ITIH5: variants seen among roughly 807,000 people sequenced by gnomAD.
ITIH5 encodes the protein inter-alpha-trypsin inhibitor heavy chain H5.
Under a neutral mutation model 77.5 loss-of-function variants are expected in ITIH5, and 65 were observed. The observed-to-expected ratio is 0.84, with a 90% confidence interval of 0.69 to 1.03. The LOEUF is 1.03. Ranked by LOEUF, ITIH5 falls within the 50% of genes least tolerant of loss-of-function variation. ITIH5 has a pLI of 0.00. For missense variants in ITIH5, 1,208 were observed against 1,213.1 expected, an observed-to-expected ratio of 1.00 and a Z score of 0.06; for synonymous variants, 525 against 494.3, an observed-to-expected ratio of 1.06 and a Z score of -0.82.
chr10:7,625,628 G>C (rs1030673917), intron 5 of ITIH5, among the ~76,000 whole-genome samples: 1 of 151,980 alleles, frequency 6.6e-6, no homozygotes, highest in African/African-American at 2.4e-5. Context: ...AGCCGGGCCT[G>C]GTGGCGTGAG....
At chr10:7,646,526 T>G (rs1834012381) in intron 2 of ITIH5, among the ~76,000 whole-genome samples, 1 of 152,214 alleles carries the variant, frequency 6.6e-6, no homozygotes, top group Admixed American at 6.5e-5. Context: ...AACAAATCAC[T>G]CTAAAACTCA....
intron 5 of ITIH5, among the ~76,000 whole-genome samples, chr10:7,629,901 G>GGTTTAGAAGT (rs1833685742): frequency 6.6e-6 from 1 of 152,068 alleles, no homozygotes; most frequent in African/African-American, 2.4e-5. Flanking sequence ...AACCTAGAAG[G>GGTTTAGAAGT]GTTTAGAAAG....
At chr10:7,613,413 T>C (rs1425583651) in intron 7 of ITIH5, among the ~76,000 whole-genome samples, 1 of 152,164 alleles carries the variant, frequency 6.6e-6, no homozygotes, top group Non-Finnish European at 1.5e-5. Flanking sequence ...GGGAAAAACT[T>C]TGGGAAACCT....
Position 7,579,810 on chromosome 10 carries a change from A to T in ITIH5, c.1363T>A (p.Cys455Ser). The T allele has an allele frequency of 1.9e-6, 3 of 1,614,198 alleles. No individual in the cohort carries two copies. The highest frequency in any genetic ancestry group is 2.5e-6 in the Non-Finnish European group (3 of 1,180,042). The change falls in exon 9 of 14, where the codon TGT becomes AGT. Residue 455 changes from cysteine (C) to serine (S), a missense_variant. Cys to Ser is a moderately radical substitution (Grantham distance 112, BLOSUM62 -1). Coordinates refer to ENST00000397146, the MANE Select transcript of ITIH5 (RefSeq NM_030569.7). ...RLLEKLSLEN[C>S]GLTRRVHEEE... ...TCGTGCACGCGCCGTGTGAGGCCAC[A>T]GTTCTCCAGCGACAGTTTCTCCAGC...
At chr10:7,612,424 C>T (rs1034573401) in intron 7 of ITIH5, among the ~76,000 whole-genome samples, 3 of 152,196 alleles carry the variant, frequency 2.0e-5, no homozygotes, top group African/African-American at 7.2e-5. Flanking sequence ...TTCCCATTCT[C>T]ATAGAAGCTT....
rs1832513072 is a variant in ITIH5, at chr10:7,579,997, GCC to G, written c.1174_1175del (p.Gly392HisfsTer85). 1 of 1,613,768 alleles carries G rather than the reference GCC, an allele frequency of 6.2e-7. No homozygotes were observed. Among genetic ancestry groups the G allele is most frequent in the South Asian group, 1.1e-5 (1 of 91,034 alleles). On this transcript the variant is annotated frameshift_variant, in exon 9 of 14. Transcript: ENST00000397146. LOFTEE classifies it high-confidence loss of function. ...TGAGGGACACGCTCCGGTCTCCAAT[GCC>G]ACTGTGGGCCACGTACTTGTTGAGG... ...RLLNKYVAHS[G>X]IGDRSVSLIV...
intron 11 of ITIH5, 36 bp downstream of exon 11, chr10:7,573,106 C>G: frequency 1.3e-6 from 2 of 1,592,410 alleles, no homozygotes; most frequent in South Asian, 2.2e-5. Flanking sequence ...ACATCTCTTA[C>G]TCTCAATCCA....
chr10:7,616,692 G>A (rs1047367719), intron 6 of ITIH5, among the ~76,000 whole-genome samples: 1 of 152,128 alleles, frequency 6.6e-6, no homozygotes, highest in South Asian at 2.1e-4. Flanking sequence ...GTGGGGCGTG[G>A]TGGTGGGTGC....
chr10:7,592,844 C>T (rs1832820989), intron 7 of ITIH5, among the ~76,000 whole-genome samples: 2 of 152,034 alleles, frequency 1.3e-5, no homozygotes, highest in African/African-American at 2.4e-5. Flanking sequence ...CTGAAGGTGC[C>T]GGCTGGGATG....
chr10:7,657,892 C>T (rs1047195959), intron 1 of ITIH5, among the ~76,000 whole-genome samples: 10 of 152,162 alleles, frequency 6.6e-5, no homozygotes, highest in Non-Finnish European at 1.5e-4. Context: ...CCATGAAGCC[C>T]AAGTTCACAG....
chr10:7,645,401 A>G (rs1192202960), intron 2 of ITIH5, among the ~76,000 whole-genome samples: 1 of 152,156 alleles, frequency 6.6e-6, no homozygotes, highest in Non-Finnish European at 1.5e-5. Flanking sequence ...GAAACTTGCT[A>G]GAGATTCTCA....
chr10:7,588,986 T>G (rs1036209519), intron 7 of ITIH5, among the ~76,000 whole-genome samples: 1 of 152,244 alleles, frequency 6.6e-6, no homozygotes, highest in Admixed American at 6.5e-5. Flanking sequence ...CAGCAGAATC[T>G]GCAGCCCCAG....
Position 7,616,118 on chromosome 10 carries a change from G to C in ITIH5, c.823-20C>G. 7.0e-7 allele frequency: 1 copy of C among 1,421,416 alleles called. No homozygotes were observed. The highest frequency in any genetic ancestry group is 1.7e-5 in the Admixed American group (1 of 59,668). The allele number at this position is 1,421,416 out of a possible 1,614,324, so 88.1% of individuals were successfully genotyped here. The stretch of plus-strand genomic sequence containing the variant: ...TAGAACCTGGTGGAGGGAAAAGAAA[G>C]TAAAAACGGTAGTACCTAGAGCGGG... On this transcript the variant is annotated intron_variant, in intron 6 of 13. Coordinates refer to ENST00000397146, the MANE Select transcript of ITIH5 (RefSeq NM_030569.7).
chr10:7,612,175 T>C (rs960159096), intron 7 of ITIH5, among the ~76,000 whole-genome samples: 2 of 152,186 alleles, frequency 1.3e-5, no homozygotes, highest in Non-Finnish European at 2.9e-5. Flanking sequence ...GTCATCCCGA[T>C]GGGGTTTATT....
At chr10:7,613,171 A>G (rs7920253) in intron 7 of ITIH5, among the ~76,000 whole-genome samples, 1 of 151,066 alleles carries the variant, frequency 6.6e-6, no homozygotes, top group South Asian at 2.1e-4. Flanking sequence ...GCTTGAACCC[A>G]GGAGGCAGAG....
chr10:7,646,177 A>G (rs1206972369), intron 2 of ITIH5, among the ~76,000 whole-genome samples: 2 of 152,232 alleles, frequency 1.3e-5, no homozygotes, highest in Non-Finnish European at 2.9e-5. Context: ...CTACAGATGC[A>G]TGGGAAAGTA....
Position 7,569,758 on chromosome 10 carries a change from C to A in ITIH5, c.2059G>T (p.Asp687Tyr). The change falls in exon 12 of 14, where the codon GAT (aspartate) becomes TAT (tyrosine). Residue 687 changes from aspartate (D) to tyrosine (Y), a missense_variant. Asp to Tyr is a radical substitution (Grantham distance 160). Coordinates refer to ENST00000397146, the MANE Select transcript of ITIH5 (RefSeq NM_030569.7). Reference sequence around the variant, plus strand: ...ACGGTGAGTCTGCTCAGGGGGAAATCCACAACAAAGTGGGGATCACCATCC... The same window carrying A: ...ACGGTGAGTCTGCTCAGGGGGAAATACACAACAAAGTGGGGATCACCATCC... ...SVDGDPHFVV[D>Y]FPLSRLTVCF... 1 of 1,610,182 alleles carries A rather than the reference C, an allele frequency of 6.2e-7. No homozygotes were observed. The highest frequency in any genetic ancestry group is 1.1e-5 in the South Asian group (1 of 90,270).
intron 7 of ITIH5, among the ~76,000 whole-genome samples, chr10:7,601,675 G>A (rs1833018940): frequency 2.0e-5 from 3 of 152,048 alleles, no homozygotes; most frequent in South Asian, 4.2e-4. Context: ...CCTGTGATGG[G>A]GAACGCCACC....
At chr10:7,612,273 T>C (rs1353381581) in intron 7 of ITIH5, among the ~76,000 whole-genome samples, 2 of 152,232 alleles carry the variant, frequency 1.3e-5, no homozygotes, top group Non-Finnish European at 2.9e-5. Flanking sequence ...ATATGGTTAC[T>C]ATTAGCCATA....
Sources: gnomAD v4.1 joint callset for allele counts (sites outside exome capture counted in the v4.1 genomes callset) on GRCh38, gnomAD v4.1.1 for gene constraint, MANE v1.5 for transcripts, NCBI Gene and HGNC (gene_info 2026-07-23, HGNC 2026-07-21) for gene names.